MARCHF2: variants seen among roughly 807,000 people sequenced by gnomAD.
The protein encoded by MARCHF2 is membrane associated ring-CH-type finger 2.
Under a neutral mutation model 24.0 loss-of-function variants are expected in MARCHF2, and 22 were observed. The observed-to-expected ratio is 0.92, with a 90% CI of 0.66 to 1.31. The LOEUF is 1.31. Among genes scored for constraint, MARCHF2 ranks in the 50% most tolerant of loss-of-function variants. The probability of loss-of-function intolerance (pLI) is 0.00; values close to 1 mark genes in which losing one functional copy is unlikely to be tolerated. For missense variants in MARCHF2, 301 were observed against 335.3 expected (o/e 0.90, Z 0.80); for synonymous variants, 154 against 153.0 (o/e 1.01, Z -0.05).
intron 2 of MARCHF2, among the ~76,000 whole-genome samples, chr19:8,424,943 T>C (rs904499912): frequency 2.0e-5 from 3 of 152,178 alleles, no homozygotes; most frequent in Admixed American, 2.0e-4. Context: ...GGTCTCACTC[T>C]GTTGTCCAAG....
In MARCHF2 at chr19:8,426,612, T is replaced by C; in HGVS notation, c.180T>C (p.Asp60=). 6.2e-7 allele frequency: 1 copy of C among 1,613,742 alleles called. No individual in the cohort carries two copies. Among genetic ancestry groups the C allele is most frequent in the Non-Finnish European group, 8.5e-7 (1 of 1,179,844 alleles). ...TVIRALDTPS[D]GPFCRICHEG... is the part of the protein sequence containing the mutation. ...TGGGTCCTATCTCTGTGTCCAGTGA[T>C]GGTCCTTTCTGCCGGATCTGCCATG... Residue 60 remains aspartate (D), a synonymous_variant, in exon 3 of 5, where the codon GAT becomes GAC. Coordinates refer to ENST00000215555, the MANE Select transcript of MARCHF2 (RefSeq NM_001005415.2).
At chr19:8,420,868 T>C (rs1411723719) in intron 1 of MARCHF2, among the ~76,000 whole-genome samples, 3 of 152,106 alleles carry the variant, frequency 2.0e-5, no homozygotes, top group Non-Finnish European at 4.4e-5. Flanking sequence ...TTGCCCAGGC[T>C]GGTCTCAAAC....
intron 4 of MARCHF2, among the ~76,000 whole-genome samples, chr19:8,433,837 C>T (rs1462822236): frequency 2.7e-5 from 4 of 150,708 alleles, no homozygotes; most frequent in African/African-American, 7.3e-5. Flanking sequence ...GCACTCCAGC[C>T]TGGGTGCCTG....
intron 2 of MARCHF2, among the ~76,000 whole-genome samples, chr19:8,422,347 CCTCT>C (rs1159390856): frequency 6.6e-6 from 1 of 151,914 alleles, no homozygotes; most frequent in African/African-American, 2.4e-5. Flanking sequence ...TGAGTGGACA[CCTCT>C]CTCTCTCCCA....
In MARCHF2 at chr19:8,428,649, C is replaced by CAAAAAAAA. The variant is rs59542078; in HGVS notation, c.372+1872_372+1879dup. On this transcript the variant is annotated intron_variant, in intron 3 of 4. Transcript: ENST00000215555. Reference sequence around the variant, plus strand: ...TGGGCAACAGATTGAGACTCTATCTCAAAAAAAAAAAAAAAAAAAAAAAAA... The same window carrying CAAAAAAAA: ...TGGGCAACAGATTGAGACTCTATCTCAAAAAAAAAAAAAAAAAAAAAAAAAAAAAAAAA... 3.2e-3 allele frequency among the ~76,000 whole-genome samples: 99 copies of CAAAAAAAA among 30,652 alleles called. 13 individuals are homozygous for CAAAAAAAA. Among genetic ancestry groups the CAAAAAAAA allele is most frequent in the African/African-American group, 5.9e-3 (45 of 7,612 alleles). The allele number at this position is 30,652 out of a possible 152,430, so 20.1% of individuals were successfully genotyped here.
Position 8,430,294 on chromosome 19 carries a change from T to C in MARCHF2, c.373-364T>C, listed in dbSNP as rs1225063358. ...GGGAGAATCGCTTGAACCTGGGATG[T>C]TGAGGTTGCAGTGAGCCGAGATCGT... On this transcript the variant is annotated intron_variant, in intron 3 of 4. Transcript: ENST00000215555. This position sits in a 1 kb window ranked among gnomAD's most constrained non-coding sequence, Gnocchi z 4.4. Among the ~76,000 whole-genome samples, 1 of 151,948 alleles carries C rather than the reference T, an allele frequency of 6.6e-6. No homozygotes were observed. The highest frequency in any genetic ancestry group is 1.5e-5 in the Non-Finnish European group (1 of 67,964).
intron 3 of MARCHF2, 121 bp downstream of exon 3, chr19:8,426,925 T>C (rs1003628906): frequency 8.8e-5 from 74 of 844,054 alleles, no homozygotes; most frequent in Non-Finnish European, 1.3e-4. Context: ...CTACCGCCCC[T>C]GTCCACCAGG....
chr19:8,433,118 G>T (rs192630653), intron 4 of MARCHF2, among the ~76,000 whole-genome samples: 1 of 151,988 alleles, frequency 6.6e-6, no homozygotes, highest in Non-Finnish European at 1.5e-5. Flanking sequence ...ACTCCGGAGG[G>T]TGAGGTGGAG....
chr19:8,430,217 G>A lies in MARCHF2; in HGVS notation c.373-441G>A, dbSNP rs528033924. On this transcript the variant is annotated intron_variant, in intron 3 of 4. Transcript: ENST00000215555. This position sits in a 1 kb window ranked among gnomAD's most constrained non-coding sequence, Gnocchi z 4.4. ...CATCTCTACTAAAAATACAAAATTAGCAGGGCATGGTGGCGCTTGCCTATA... is the reference window on the plus strand; with the variant it reads ...CATCTCTACTAAAAATACAAAATTAACAGGGCATGGTGGCGCTTGCCTATA... Among the ~76,000 whole-genome samples the A allele has an allele frequency of 6.6e-6, 1 of 152,182 alleles. No homozygotes were observed. Among genetic ancestry groups the A allele is most frequent in the East Asian group, 1.9e-4 (1 of 5,150 alleles).
intron 4 of MARCHF2, among the ~76,000 whole-genome samples, chr19:8,433,142 C>G (rs1480755656): frequency 6.6e-6 from 1 of 151,896 alleles, no homozygotes; most frequent in Admixed American, 6.6e-5. Context: ...CGCTTGAGCA[C>G]TGGAGGCAGA....
chr19:8,415,745 A>AAAAAAC lies in MARCHF2; in HGVS notation c.-53+2330_-53+2331insCAAAAA, dbSNP rs1555692177. Among the ~76,000 whole-genome samples the AAAAAAC allele has an allele frequency of 2.5e-3, 134 of 53,938 alleles. 1 individual carries two copies. Among genetic ancestry groups the AAAAAAC allele is most frequent in the South Asian group, 8.8e-3 (14 of 1,590 alleles). 35.4% of individuals were successfully genotyped at this position (53,938 alleles called of 152,430 possible). Reference sequence around the variant, plus strand: ...TCAAAAAAAAAAAAACAAAAAAAACAAAAAAAAAAACCAGACAAAAGAAAG... The same window carrying AAAAAAC: ...TCAAAAAAAAAAAAACAAAAAAAACAAAAAACAAAAAAAAAACCAGACAAAAGAAAG... On this transcript the variant is annotated intron_variant, in intron 1 of 4. Coordinates refer to ENST00000215555, the MANE Select transcript of MARCHF2 (RefSeq NM_001005415.2).
At position 8,436,080 on chromosome 19, in the gene MARCHF2, T is replaced by A. The variant is rs150840775; in HGVS notation, c.583-2308T>A. Among the ~76,000 whole-genome samples, 384 of 152,064 alleles carry A rather than the reference T, an allele frequency of 2.5e-3. 1 individual carries two copies. Among genetic ancestry groups the A allele is most frequent in the African/African-American group, 8.7e-3 (359 of 41,488 alleles). Reference sequence around the variant, plus strand: ...TTGCCATGTTGCCCAGGCTAGGAGTTGACTCTTGCTGTTGGACATTTATAA... The same window carrying A: ...TTGCCATGTTGCCCAGGCTAGGAGTAGACTCTTGCTGTTGGACATTTATAA... On this transcript the variant is annotated intron_variant, in intron 4 of 4. Transcript: ENST00000215555.
chr19:8,425,407 A>G (rs1198298667), intron 2 of MARCHF2, among the ~76,000 whole-genome samples: 2 of 151,872 alleles, frequency 1.3e-5, no homozygotes, highest in East Asian at 3.9e-4. Context: ...TCAAAAAAAA[A>G]AAAAGAAAAT....
chr19:8,414,858 A>T (rs1281373910), intron 1 of MARCHF2, among the ~76,000 whole-genome samples: 1 of 152,178 alleles, frequency 6.6e-6, no homozygotes, highest in Admixed American at 6.5e-5. Context: ...CATTAGAATG[A>T]GGCCCAGAGA....
intron 4 of MARCHF2, among the ~76,000 whole-genome samples, chr19:8,436,591 G>C (rs1967728564): frequency 6.6e-6 from 1 of 151,620 alleles, no homozygotes; most frequent in Non-Finnish European, 1.5e-5. Flanking sequence ...CCTATAGTTG[G>C]AGTCATTCAG....
In MARCHF2 at chr19:8,438,729, GTT is replaced by G. The variant is rs370862443; in HGVS notation, c.*201_*202del. ...GATCCTGTGTGAAGATATTTTCAGGGTTTTTTTTTTTTTTTTTTTGCATATGG... is the reference window on the plus strand; with the variant it reads ...GATCCTGTGTGAAGATATTTTCAGGGTTTTTTTTTTTTTTTTTGCATATGG... On this transcript the variant is annotated 3_prime_UTR_variant, in exon 5 of 5. Transcript: ENST00000215555. 0.036 allele frequency: 13,034 copies of G among 365,196 alleles called. No homozygotes were observed. Among genetic ancestry groups the G allele is most frequent in the South Asian group, 0.058 (1,642 of 28,178 alleles). 22.6% of individuals were successfully genotyped at this position (365,196 alleles called of 1,614,324 possible). A position where few individuals can be genotyped will look rare whatever the true frequency, so the allele number is the denominator to read the frequency against.
Position 8,430,937 on chromosome 19 carries a change from GC to G in MARCHF2, c.582+74del. The G allele has an allele frequency of 1.4e-6, 2 of 1,478,900 alleles. No individual in the cohort carries two copies. Among genetic ancestry groups the G allele is most frequent in the Non-Finnish European group, 1.8e-6 (2 of 1,103,472 alleles). The allele number at this position is 1,478,900 out of a possible 1,614,324, so 91.6% of individuals were successfully genotyped here. On this transcript the variant is annotated intron_variant, in intron 4 of 4. Transcript: ENST00000215555. This position sits in a 1 kb window ranked among gnomAD's most constrained non-coding sequence, Gnocchi z 4.4. The stretch of plus-strand genomic sequence containing the variant: ...TGGGAGCAGCAGGGCCAAGGATTTG[GC>G]CCCTGGCTTGTGGGGCACGGGGCTC...
chr19:8,426,751 G>A lies in MARCHF2; in HGVS notation c.319G>A (p.Glu107Lys), dbSNP rs774739173. The change falls in exon 3 of 5, where the codon GAG becomes AAG. Residue 107 changes from glutamate to lysine, a missense_variant. By Grantham distance (56) the Glu-to-Lys change is moderately conservative (BLOSUM62 1). Coordinates refer to ENST00000215555, the MANE Select transcript of MARCHF2 (RefSeq NM_001005415.2). ...WLSSSNTSYC[E>K]LCHTEFAVEK... ...TTCCTCATCTAACACCAGCTACTGC[G>A]AGCTGTGCCACACGGAGTTTGCAGT... is the stretch of plus-strand genomic sequence containing the variant. The A allele has an allele frequency of 2.5e-6, 4 of 1,612,654 alleles. No individual in the cohort carries two copies. Among genetic ancestry groups the A allele is most frequent in the South Asian group, 2.2e-5 (2 of 91,012 alleles).
intron 1 of MARCHF2, among the ~76,000 whole-genome samples, chr19:8,421,431 G>C (rs1413111097): frequency 1.8e-5 from 2 of 109,248 alleles, no homozygotes; most frequent in African/African-American, 7.2e-5. Flanking sequence ...GTTTCACCAT[G>C]TTGGCCAGGA....
Sources: gnomAD v4.1 joint callset for allele counts (sites outside exome capture counted in the v4.1 genomes callset) on GRCh38, gnomAD v4.1.1 for gene constraint, Gnocchi (gnomAD v3.1) non-coding constraint, MANE v1.5 for transcripts, NCBI Gene and HGNC (gene_info 2026-07-23, HGNC 2026-07-21) for gene names.